Variants in RNF17 observed in about 807,000 individuals in gnomAD.
RNF17 encodes the protein spermatogenesis associated 23.
Under a neutral mutation model 200.5 loss-of-function variants are expected in RNF17, and 31 were observed. The ratio of observed to expected loss-of-function variants is 0.15; its 90% CI spans 0.12 to 0.21. The LOEUF is 0.21. Among genes scored for constraint, RNF17 ranks in the 10% least tolerant of loss-of-function variants. The pLI, the probability that RNF17 is intolerant of heterozygous loss-of-function variation, is 1.00. For missense variants in RNF17, 1,628 were observed against 1,905.1 expected (o/e 0.85, Z 2.71); for synonymous variants, 606 against 637.8 (o/e 0.95, Z 0.75).
At position 24,799,448 on chromosome 13, in the gene RNF17, A is replaced by G. The variant is rs1277493798; in HGVS notation, c.1453A>G (p.Ile485Val). The G allele has an allele frequency of 6.8e-6, 11 of 1,610,972 alleles. No homozygotes were observed. The highest frequency in any genetic ancestry group is 9.3e-6 in the Non-Finnish European group (11 of 1,178,016). ...AAATGGAATGTGGTGTCGAGGAACT[A>G]TCACAGAATTAATTCCAATAGAGGG... is the stretch of plus-strand genomic sequence containing the variant. ...IKNGMWCRGT[I>V]TELIPIEGRN... Residue 485 changes from isoleucine (I) to valine (V), a missense_variant, in exon 12 of 36, where the codon ATC becomes GTC. By Grantham distance (29) the Ile-to-Val change is conservative (BLOSUM62 3). Coordinates refer to ENST00000255324, the MANE Select transcript of RNF17 (RefSeq NM_031277.3).
downstream of RNF17, among the ~76,000 whole-genome samples, chr13:24,881,897 TATATAG>T (rs1229922129): frequency 5.3e-5 from 6 of 114,016 alleles, no homozygotes; most frequent in South Asian, 2.6e-4. Context: ...TAGATACATC[TATATAG>T]ATATATAGAT....
rs1470187622 is a variant in RNF17 at position 24,764,802 on chromosome 13, G to T, written c.130+469G>T. 1.1e-4 allele frequency among the ~76,000 whole-genome samples: 17 copies of T among 151,976 alleles called. No homozygotes were observed. In the East Asian group the frequency reaches 1.2e-3, roughly 10 times the overall value. ...TTAGCATTTTGTTGTTTCTGTGGGG[G>T]TTTTTTTGTTTGTTTTTTACATTAT... On this transcript the variant is annotated intron_variant, in intron 1 of 35. Transcript: ENST00000255324.
Position 24,776,617 on chromosome 13 carries a change from G to A in RNF17, c.318-1678G>A, listed in dbSNP as rs532098195. Among the ~76,000 whole-genome samples, 15 of 152,240 alleles carry A rather than the reference G, an allele frequency of 9.9e-5. No homozygotes were observed. The East Asian group carries it at 1.7e-3, about 18-fold the overall frequency. On this transcript the variant is annotated intron_variant, in intron 3 of 35. Coordinates refer to ENST00000255324, the MANE Select transcript of RNF17 (RefSeq NM_031277.3). ...CTGGCTCATCGTGAGTCCCCATGGA[G>A]TAGCCATTTTTATCAAATTTAGGGC...
At chr13:24,803,501 G>C (rs1885498702) in intron 14 of RNF17, among the ~76,000 whole-genome samples, 1 of 152,148 alleles carries the variant, frequency 6.6e-6, no homozygotes, top group African/African-American at 2.4e-5. Flanking sequence ...GTTTCACCTT[G>C]TTGGCCAGGC....
chr13:24,842,920 G>A (rs767503301), intron 19 of RNF17, among the ~76,000 whole-genome samples: 12 of 151,920 alleles, frequency 7.9e-5, no homozygotes, highest in Non-Finnish European at 1.3e-4. Flanking sequence ...CCAGGAGGCG[G>A]AGGTTGCAGT....
intron 15 of RNF17, among the ~76,000 whole-genome samples, chr13:24,816,743 G>C (rs1887454675): frequency 6.6e-6 from 1 of 152,142 alleles, no homozygotes; most frequent in Non-Finnish European, 1.5e-5. Flanking sequence ...TGGCTATCTT[G>C]GCAGGAATAA....
rs772424579 is a variant in RNF17, at chr13:24,866,193, T to C, written c.4151T>C (p.Ile1384Thr). 2 of 1,552,162 alleles carry C rather than the reference T, an allele frequency of 1.3e-6. No homozygotes were observed. Among genetic ancestry groups the C allele is most frequent in the African/African-American group, 1.4e-5 (1 of 73,970 alleles). The change falls in exon 30 of 36, where the codon ATA becomes ACA. Residue 1384 changes from isoleucine (I) to threonine (T), a missense_variant. Ile to Thr is a moderately conservative substitution (Grantham distance 89). Transcript: ENST00000255324. Reference protein sequence around the residue: ...DKKYEEEQWEIRFEELLSAET... With the variant: ...DKKYEEEQWETRFEELLSAET... Reference sequence around the variant, plus strand: ...AAGTATGAAGAGGAACAATGGGAAATAAGGTTTGAGGTAAGTAACAATCCA... The same window carrying C: ...AAGTATGAAGAGGAACAATGGGAAACAAGGTTTGAGGTAAGTAACAATCCA...
intron 30 of RNF17, among the ~76,000 whole-genome samples, chr13:24,866,725 T>A (rs1309639912): frequency 6.8e-6 from 1 of 146,144 alleles, no homozygotes; most frequent in Middle Eastern, 3.2e-3. Flanking sequence ...GTAATGCTGC[T>A]GTCTGATCAG....
At chr13:24,881,637 T>G (rs76496158), downstream of RNF17, among the ~76,000 whole-genome samples, 1 of 150,658 alleles carries the variant, frequency 6.6e-6, no homozygotes, top group Admixed American at 6.6e-5. Flanking sequence ...TCTAGAGATA[T>G]ATCTAGATAG....
At chr13:24,815,751 C>G (rs184751591) in intron 15 of RNF17, among the ~76,000 whole-genome samples, 3 of 152,172 alleles carry the variant, frequency 2.0e-5, no homozygotes, top group Admixed American at 2.0e-4. Flanking sequence ...CCTTCTGTCT[C>G]TTGTTTATTG....
chr13:24,844,056 A>G (rs1219923140), intron 20 of RNF17, 85 bp downstream of exon 20: 15 of 457,216 alleles, frequency 3.3e-5, no homozygotes, highest in Non-Finnish European at 4.7e-5. Context: ...GAAGTCATAA[A>G]TGTAGATTTT....
intron 1 of RNF17, among the ~76,000 whole-genome samples, chr13:24,765,236 C>T (rs1282370913): frequency 1.3e-5 from 2 of 151,990 alleles, no homozygotes; most frequent in Non-Finnish European, 2.9e-5. Context: ...AGGATGGTCT[C>T]GATCTCCTGA....
At chr13:24,764,710 C>A (rs1001070219) in intron 1 of RNF17, among the ~76,000 whole-genome samples, 1 of 152,176 alleles carries the variant, frequency 6.6e-6, no homozygotes, top group African/African-American at 2.4e-5. Flanking sequence ...TGATTTTCTC[C>A]TGTAGTTTTT....
intron 26 of RNF17, among the ~76,000 whole-genome samples, chr13:24,860,925 T>TG (rs1247638064): frequency 6.6e-6 from 1 of 151,930 alleles, no homozygotes; most frequent in Non-Finnish European, 1.5e-5. Flanking sequence ...TCACCAGGCT[T>TG]GGAGTGCAGT....
intron 22 of RNF17, among the ~76,000 whole-genome samples, chr13:24,850,080 T>C (rs988505823): frequency 1.3e-5 from 2 of 152,038 alleles, no homozygotes; most frequent in Non-Finnish European, 2.9e-5. Context: ...TTACAGCTCC[T>C]CAATGTAGCT....
intron 16 of RNF17, chr13:24,826,204 A>AT (rs1024867334): frequency 1.3e-5 from 7 of 531,940 alleles, no homozygotes; most frequent in South Asian, 1.6e-4. Context: ...TTCTCGATAT[A>AT]TTTTTTCTAC....
At chr13:24,760,872 C>G (rs1257076814), upstream of RNF17, among the ~76,000 whole-genome samples, 1 of 152,038 alleles carries the variant, frequency 6.6e-6, no homozygotes, top group Non-Finnish European at 1.5e-5. Context: ...TGAAAGCATG[C>G]TCAATGTCAC....
intron 5 of RNF17, 115 bp downstream of exon 5, chr13:24,779,862 G>T: frequency 1.5e-6 from 1 of 682,086 alleles, no homozygotes. Flanking sequence ...TATTAAGCAT[G>T]ATAATCTAAA....
chr13:24,748,984 C>A, the RNF17 span, among the ~76,000 whole-genome samples: 1 of 152,114 alleles, frequency 6.6e-6, no homozygotes, highest in East Asian at 1.9e-4. Context: ...GAACTCCTGA[C>A]CTCAAATGAT....
Sources: gnomAD v4.1 joint callset for allele counts (sites outside exome capture counted in the v4.1 genomes callset) on GRCh38, gnomAD v4.1.1 for gene constraint, MANE v1.5 for transcripts, NCBI Gene and HGNC (gene_info 2026-07-23, HGNC 2026-07-21) for gene names.